The following PDK1 variants were observed in gnomAD, a reference collection of about 807,000 sequenced individuals.
PDK1 encodes pyruvate dehydrogenase kinase 1.
In PDK1, 39 loss-of-function variants were observed where a neutral mutation model predicts 54.2. The observed-to-expected ratio is 0.72, with a 90% CI of 0.56 to 0.94. The LOEUF (loss-of-function observed/expected upper bound fraction) is 0.94, where lower values mean the gene tolerates loss of function less well. Among genes scored for constraint, PDK1 ranks in the 40% least tolerant of loss-of-function variants. The pLI, the probability that PDK1 is intolerant of heterozygous loss-of-function variation, is 0.00. For synonymous variants in PDK1, 221 were observed against 207.1 expected, an observed-to-expected ratio of 1.07 and a Z score of -0.58; for missense variants, 552 against 566.0, an observed-to-expected ratio of 0.98 and a Z score of 0.25.
At chr2:172,701,652 T>TG in the PDK1 span, among the ~76,000 whole-genome samples, 883 of 147,170 alleles carry the variant, frequency 6.0e-3, 12 homozygotes, top group African/African-American at 0.019. Context: ...TGTTTTGTTT[T>TG]TTTTTTTTTT....
At chr2:172,693,558 A>AT in the PDK1 span, among the ~76,000 whole-genome samples, 1,037 of 152,154 alleles carry the variant, frequency 6.8e-3, 9 homozygotes, top group Middle Eastern at 0.048. Flanking sequence ...TGAGTGTTTG[A>AT]TTTTTTTTGT....
chr2:172,722,175 C>CT, the PDK1 span, among the ~76,000 whole-genome samples: 1 of 152,250 alleles, frequency 6.6e-6, no homozygotes, highest in African/African-American at 2.4e-5. Flanking sequence ...GACAGAGCCT[C>CT]TATTGGTCCT....
chr2:172,642,626 G>C, the PDK1 span, among the ~76,000 whole-genome samples: 1 of 151,960 alleles, frequency 6.6e-6, no homozygotes, highest in East Asian at 1.9e-4. Flanking sequence ...TTGAGCCAGC[G>C]AGAGAATGAG....
chr2:172,621,703 A>T, the PDK1 span, among the ~76,000 whole-genome samples: 30 of 146,372 alleles, frequency 2.0e-4, no homozygotes, highest in African/African-American at 7.4e-4. Flanking sequence ...ATATATGTTT[A>T]TATATCAAAC....
the PDK1 span, among the ~76,000 whole-genome samples, chr2:172,681,351 A>G: frequency 6.6e-6 from 1 of 152,030 alleles, no homozygotes; most frequent in Non-Finnish European, 1.5e-5. Context: ...TTTAATTTTG[A>G]ATTTTGTTTT....
the PDK1 span, among the ~76,000 whole-genome samples, chr2:172,682,246 T>G: frequency 6.6e-6 from 1 of 152,102 alleles, no homozygotes; most frequent in African/African-American, 2.4e-5. Flanking sequence ...GCTGTGTGGC[T>G]GTAGTAGAGA....
In PDK1 at chr2:172,599,247, C is replaced by G. The variant is rs1193481096; in HGVS notation, c.*3278C>G. On this transcript the variant is annotated 3_prime_UTR_variant, in exon 11 of 11. Coordinates refer to ENST00000282077, the MANE Select transcript of PDK1 (RefSeq NM_002610.5). The stretch of plus-strand genomic sequence containing the variant: ...GAACTACTATAGTCAAAAATAAATT[C>G]CTATCCTATTTTTAATTGATGGGAT... 6.6e-6 allele frequency: 1 copy of G among 151,710 alleles called. No individual in the cohort carries two copies. The highest frequency in any genetic ancestry group is 2.4e-5 in the African/African-American group (1 of 41,290). The allele number at this position is 151,710 out of a possible 1,614,324, so 9.4% of individuals were successfully genotyped here. A position where few individuals can be genotyped will look rare whatever the true frequency, so the allele number is the denominator to read the frequency against.
the PDK1 span, chr2:172,677,676 A>C: frequency 6.6e-6 from 1 of 152,252 alleles, no homozygotes; most frequent in South Asian, 2.1e-4. Flanking sequence ...TTTGGGAAAA[A>C]TAAAAGTACA....
intron 3 of PDK1, among the ~76,000 whole-genome samples, chr2:172,563,349 G>A (rs1330170211): frequency 1.3e-5 from 2 of 152,116 alleles, no homozygotes; most frequent in Non-Finnish European, 2.9e-5. Flanking sequence ...TTTGTTGTTT[G>A]TATTTTAGTT....
In PDK1 at chr2:172,598,746, A is replaced by G. The variant is rs745732088; in HGVS notation, c.*2777A>G. The G allele has an allele frequency of 3.3e-5, 5 of 152,200 alleles. No homozygotes were observed. The highest frequency in any genetic ancestry group is 1.3e-4 in the Admixed American group (2 of 15,274). 9.4% of individuals were successfully genotyped at this position (152,200 alleles called of 1,614,324 possible). A position where few individuals can be genotyped will look rare whatever the true frequency, so the allele number is the denominator to read the frequency against. On this transcript the variant is annotated 3_prime_UTR_variant, in exon 11 of 11. Transcript: ENST00000282077. Reference sequence around the variant, plus strand: ...TAGAAGTCTACCATATTATTTTATAAAATGTTTTCTGTATGGCAATAAACT... The same window carrying G: ...TAGAAGTCTACCATATTATTTTATAGAATGTTTTCTGTATGGCAATAAACT...
chr2:172,678,095 A>G, the PDK1 span, among the ~76,000 whole-genome samples: 9,551 of 152,180 alleles, frequency 0.063, 1,020 homozygotes, highest in East Asian at 0.53. Flanking sequence ...CCTTGAACCC[A>G]GAAGACGGAG....
At chr2:172,558,681 T>A (rs1017957939) in intron 1 of PDK1, 27 bp from the exon 2 acceptor site, 2 of 1,570,262 alleles carry the variant, frequency 1.3e-6, no homozygotes, top group Non-Finnish European at 1.7e-6. Context: ...TTTTACTTAC[T>A]GCTTTACCCA....
chr2:172,646,505 C>CA, the PDK1 span, among the ~76,000 whole-genome samples: 95,507 of 149,780 alleles, frequency 0.64, 31,572 homozygotes, highest in Non-Finnish European at 0.74. Flanking sequence ...ACATCGAAGG[C>CA]AAAAAAAAAG....
chr2:172,673,791 A>C, the PDK1 span, among the ~76,000 whole-genome samples: 1 of 152,252 alleles, frequency 6.6e-6, no homozygotes, highest in African/African-American at 2.4e-5. Context: ...CTGCTTTGCC[A>C]GACACCTGTA....
At chr2:172,628,245 C>T in the PDK1 span, among the ~76,000 whole-genome samples, 14 of 152,334 alleles carry the variant, frequency 9.2e-5, no homozygotes, top group South Asian at 2.1e-4. Context: ...AAGGTTTAAG[C>T]GTTAGCTTAG....
chr2:172,689,825 C>T, the PDK1 span, among the ~76,000 whole-genome samples: 1 of 150,480 alleles, frequency 6.6e-6, no homozygotes, highest in African/African-American at 2.4e-5. Flanking sequence ...GGATCCCTTC[C>T]TTACAACTTA....
chr2:172,680,488 G>T, the PDK1 span, among the ~76,000 whole-genome samples: 1 of 151,730 alleles, frequency 6.6e-6, no homozygotes, highest in South Asian at 2.1e-4. Flanking sequence ...AATAGCTGAG[G>T]GTACAGGCAT....
chr2:172,631,797 C>G, the PDK1 span, among the ~76,000 whole-genome samples: 1 of 152,200 alleles, frequency 6.6e-6, no homozygotes, highest in Non-Finnish European at 1.5e-5. Flanking sequence ...CCAACTGTCT[C>G]TTGGCCTGTA....
chr2:172,653,004 C>T, the PDK1 span, among the ~76,000 whole-genome samples: 97,033 of 151,962 alleles, frequency 0.64, 32,292 homozygotes, highest in Non-Finnish European at 0.74. Flanking sequence ...AAAGAGCCCA[C>T]ATTGCCAAGA....
Sources: gnomAD v4.1 joint callset for allele counts (sites outside exome capture counted in the v4.1 genomes callset) on GRCh38, gnomAD v4.1.1 for gene constraint, MANE v1.5 for transcripts, NCBI Gene and HGNC (gene_info 2026-07-23, HGNC 2026-07-21) for gene names.